The following XPOT variants were observed in gnomAD, a reference collection of about 807,000 sequenced individuals.
XPOT encodes the protein exportin for tRNA, also known as exportin-T.
A neutral mutation model predicts 128.2 loss-of-function variants in XPOT; 34 were observed. That is an observed-to-expected ratio of 0.27 (90% CI 0.20 to 0.35). The LOEUF is 0.35. Ranked by LOEUF, XPOT falls within the 10% of genes least tolerant of loss-of-function variation. The probability of loss-of-function intolerance (pLI) is 1.00; values close to 1 mark genes in which losing one functional copy is unlikely to be tolerated. For synonymous variants in XPOT, 348 were observed against 394.3 expected, an observed-to-expected ratio of 0.88 and a Z score of 1.39; for missense variants, 838 against 1,125.3, an observed-to-expected ratio of 0.74 and a Z score of 3.65.
chr12:64,439,127 CTG>C, intron 22 of XPOT, 115 bp from the exon 23 acceptor site: 1 of 917,330 alleles, frequency 1.1e-6, no homozygotes, highest in Non-Finnish European at 1.7e-6. Flanking sequence ...GCTCTCGGGT[CTG>C]TGTTCTTAAG....
intron 11 of XPOT, among the ~76,000 whole-genome samples, chr12:64,423,876 A>G (rs1345489363): frequency 1.3e-5 from 2 of 152,164 alleles, no homozygotes; most frequent in East Asian, 1.9e-4. Flanking sequence ...ACAAGACTGT[A>G]TTGGCAGAGT....
intron 2 of XPOT, among the ~76,000 whole-genome samples, chr12:64,412,648 C>G (rs1050313323): frequency 6.6e-6 from 1 of 152,174 alleles, no homozygotes. Flanking sequence ...CCAATACCAA[C>G]AACCAACTCT....
rs2040127772 is a variant in XPOT, at chr12:64,420,431, A to G, written c.753A>G (p.Val251=). 1.9e-6 allele frequency: 3 copies of G among 1,613,806 alleles called. No individual in the cohort carries two copies. Among genetic ancestry groups the G allele is most frequent in the East Asian group, 2.2e-5 (1 of 44,828 alleles). ...EEACDCLFEV[V]NKGMDPVDKM... The stretch of plus-strand genomic sequence containing the variant: ...CATGTGACTGTTTATTTGAAGTTGT[A>G]AATAAAGGAATGGACCCTGTTGATA... Residue 251 remains valine (V), a synonymous_variant, in exon 8 of 25, where the codon GTA becomes GTG. Coordinates refer to ENST00000332707, the MANE Select transcript of XPOT (RefSeq NM_007235.6).
rs908237151 is a variant in XPOT at position 64,448,425 on chromosome 12, T to G, written c.*294T>G. ...TTATTTGAAATTTTAAGTCAAGTCC[T>G]TTATAAAGACCATAGCAGTGGAAAA... On this transcript the variant is annotated 3_prime_UTR_variant, in exon 25 of 25. Coordinates refer to ENST00000332707, the MANE Select transcript of XPOT (RefSeq NM_007235.6). 1.2e-5 allele frequency: 4 copies of G among 333,618 alleles called. No individual in the cohort carries two copies. The highest frequency in any genetic ancestry group is 1.6e-5 in the Non-Finnish European group (3 of 182,190). The allele number at this position is 333,618 out of a possible 1,614,324, so 20.7% of individuals were successfully genotyped here.
intron 1 of XPOT, among the ~76,000 whole-genome samples, chr12:64,408,563 T>C (rs1435176001): frequency 6.6e-6 from 1 of 152,224 alleles, no homozygotes; most frequent in Non-Finnish European, 1.5e-5. Flanking sequence ...TGCAGCTTAT[T>C]ATTTGAGAAT....
intron 6 of XPOT, among the ~76,000 whole-genome samples, chr12:64,419,566 C>G (rs1281450835): frequency 6.6e-6 from 1 of 152,222 alleles, no homozygotes; most frequent in Admixed American, 6.5e-5. Flanking sequence ...GCCTTGCCCT[C>G]CCAAAGTGTG....
In XPOT at chr12:64,428,120, TGTAA is replaced by T; in HGVS notation, c.1737+4_1737+7del. ...AAGATTTATTAGAGCTTTCTCCACC[TGTAA>T]GTATCTGTCTCTTTAAGATATTTTA... On this transcript the variant is annotated splice_donor_variant and splice_donor_region_variant and intron_variant, in intron 16 of 24. Transcript: ENST00000332707. LOFTEE classifies it high-confidence loss of function. 2 of 1,525,138 alleles carry T rather than the reference TGTAA, an allele frequency of 1.3e-6. No homozygotes were observed. Among genetic ancestry groups the T allele is most frequent in the Non-Finnish European group, 9.1e-7 (1 of 1,102,440 alleles). 94.5% of individuals were successfully genotyped at this position (1,525,138 alleles called of 1,614,324 possible).
At chr12:64,406,220 C>T (rs556269882) in intron 1 of XPOT, among the ~76,000 whole-genome samples, 2 of 151,790 alleles carry the variant, frequency 1.3e-5, no homozygotes, top group East Asian at 3.9e-4. Flanking sequence ...GGATTACAGG[C>T]GCAGGCCACC....
chr12:64,428,442 A>G (rs950915861), intron 16 of XPOT, among the ~76,000 whole-genome samples: 36 of 152,184 alleles, frequency 2.4e-4, no homozygotes, highest in Non-Finnish European at 5.1e-4. Context: ...CCAAAAGAAA[A>G]TAAAAATTTA....
intron 1 of XPOT, among the ~76,000 whole-genome samples, chr12:64,408,704 C>A (rs2040006381): frequency 6.6e-6 from 1 of 151,754 alleles, no homozygotes; most frequent in Admixed American, 6.6e-5. Context: ...GATGGAATCT[C>A]ACTCTGTTCT....
chr12:64,417,986 T>G (rs1182164904), intron 4 of XPOT, 60 bp from the exon 5 acceptor site: 1 of 1,402,386 alleles, frequency 7.1e-7, no homozygotes. Flanking sequence ...AGGCTGTTAT[T>G]TTTTACAACC....
intron 15 of XPOT, among the ~76,000 whole-genome samples, chr12:64,426,708 C>T (rs968710424): frequency 1.3e-5 from 2 of 152,142 alleles, no homozygotes; most frequent in Non-Finnish European, 1.5e-5. Context: ...GGAGGCCTGG[C>T]GCGGTGGCCC....
At position 64,439,326 on chromosome 12, in the gene XPOT, T is replaced by C. The variant is rs373356122; in HGVS notation, c.2805+11T>C. On this transcript the variant is annotated intron_variant, in intron 23 of 24. Coordinates refer to ENST00000332707, the MANE Select transcript of XPOT (RefSeq NM_007235.6). ...CCAGAAATAATTCAGGTAAGAGCTA[T>C]TTCTTACCATTGTGTAGGCGAGAGA... The C allele has an allele frequency of 1.9e-6, 3 of 1,611,058 alleles. No homozygotes were observed. The highest frequency in any genetic ancestry group is 2.5e-6 in the Non-Finnish European group (3 of 1,177,240).
intron 19 of XPOT, among the ~76,000 whole-genome samples, chr12:64,434,071 A>G (rs1199503244): frequency 6.6e-6 from 1 of 152,114 alleles, no homozygotes; most frequent in Non-Finnish European, 1.5e-5. Flanking sequence ...GCTGTAGTGC[A>G]GTGGTGTCAT....
rs2040394688 is a variant in XPOT at position 64,449,671 on chromosome 12, TTAA to T, written c.*1541_*1543del. 1 of 152,238 alleles carries T rather than the reference TTAA, an allele frequency of 6.6e-6. No individual in the cohort carries two copies. Among genetic ancestry groups the T allele is most frequent in the Non-Finnish European group, 1.5e-5 (1 of 68,042 alleles). 9.4% of individuals were successfully genotyped at this position (152,238 alleles called of 1,614,324 possible). A position where few individuals can be genotyped will look rare whatever the true frequency, so the allele number is the denominator to read the frequency against. On this transcript the variant is annotated 3_prime_UTR_variant, in exon 25 of 25. Transcript: ENST00000332707. ...TTCTTACACCATATAATAAAAATAC[TTAA>T]CTAAATTGACAGTTATAAAAATAAA...
intron 1 of XPOT, among the ~76,000 whole-genome samples, chr12:64,407,342 C>T (rs764129574): frequency 2.5e-4 from 38 of 151,836 alleles, no homozygotes; most frequent in African/African-American, 7.7e-4. Flanking sequence ...AAAAATTAGC[C>T]GGGTGTGGTG....
At chr12:64,428,189 C>A in intron 16 of XPOT, 69 bp downstream of exon 16, 1 of 1,108,270 alleles carries the variant, frequency 9.0e-7, no homozygotes, top group Non-Finnish European at 1.3e-6. Flanking sequence ...TTAGCCTTGC[C>A]TTTGTTGGCA....
chr12:64,416,229 C>T (rs2040086170), intron 3 of XPOT, among the ~76,000 whole-genome samples: 1 of 152,162 alleles, frequency 6.6e-6, no homozygotes, highest in Non-Finnish European at 1.5e-5. Flanking sequence ...GTCCATGTGG[C>T]CCTGCTTGTT....
intron 23 of XPOT, 75 bp downstream of exon 23, chr12:64,439,390 G>A: frequency 3.0e-6 from 4 of 1,324,312 alleles, no homozygotes; most frequent in Non-Finnish European, 4.3e-6. Context: ...ATTGTCGCTA[G>A]CAGAAATCAA....
Sources: allele counts gnomAD v4.1 joint callset (sites outside exome capture counted in the v4.1 genomes callset), GRCh38; gene constraint gnomAD v4.1.1; transcripts MANE v1.5; gene names NCBI Gene and HGNC (gene_info 2026-07-23, HGNC 2026-07-21).